The following LYPLA1 variants were observed in gnomAD, a reference collection of about 807,000 sequenced individuals.
LYPLA1 encodes acyl-protein thioesterase 1.
A neutral mutation model predicts 34.0 loss-of-function variants in LYPLA1; 17 were observed. That is an observed-to-expected ratio of 0.50 (90% CI 0.34 to 0.75). The LOEUF (loss-of-function observed/expected upper bound fraction) is 0.75. Ranked by LOEUF, LYPLA1 falls within the 30% of genes least tolerant of loss-of-function variation. The probability of loss-of-function intolerance (pLI) is 0.01; values close to 1 mark genes in which losing one functional copy is unlikely to be tolerated. For synonymous variants in LYPLA1, 98 were observed against 100.8 expected (o/e 0.97, Z 0.17); for missense variants, 203 against 288.8 (o/e 0.70, Z 2.15).
At chr8:54,053,757 C>T (rs1431119694) in intron 6 of LYPLA1, 3 of 456,014 alleles carry the variant, frequency 6.6e-6, no homozygotes, top group African/African-American at 4.0e-5. Flanking sequence ...ATGAAACAGA[C>T]AAGCAAAGAA....
chr8:54,096,992 C>A (rs1351217267), intron 2 of LYPLA1, among the ~76,000 whole-genome samples: 1 of 151,542 alleles, frequency 6.6e-6, no homozygotes, highest in African/African-American at 2.4e-5. Context: ...GATTAATAAA[C>A]AAAATGGAAT....
chr8:54,073,228 A>G (rs1807626851), intron 2 of LYPLA1: 2 of 828,450 alleles, frequency 2.4e-6, no homozygotes, highest in Non-Finnish European at 4.3e-6. Context: ...GATACAGGAC[A>G]GTAAGGAACT....
chr8:54,070,055 G>C (rs747330477), intron 2 of LYPLA1, among the ~76,000 whole-genome samples: 1 of 152,214 alleles, frequency 6.6e-6, no homozygotes, highest in Admixed American at 6.5e-5. Flanking sequence ...AAATGTAAAT[G>C]GTGCAGCGAC....
At chr8:54,086,437 T>TAAAAAAAAAAAAAAAAAAAAAA (rs1808774324) in intron 2 of LYPLA1, among the ~76,000 whole-genome samples, 1 of 32,732 alleles carries the variant, frequency 3.1e-5, no homozygotes, top group Non-Finnish European at 5.2e-5. Flanking sequence ...ACTAAAAAAA[T>TAAAAAAAAAAAAAAAAAAAAAA]TAAAAAAAAA....
rs191098285 is a variant in LYPLA1 at position 54,053,621 on chromosome 8, G to C, written c.361-865C>G. 189 of 456,254 alleles carry C rather than the reference G, an allele frequency of 4.1e-4. 1 individual carries two copies. Among genetic ancestry groups the C allele is most frequent in the African/African-American group, 3.1e-3 (155 of 50,190 alleles). 28.3% of individuals were successfully genotyped at this position (456,254 alleles called of 1,614,324 possible). On this transcript the variant is annotated intron_variant, in intron 6 of 8. Transcript: ENST00000316963. ...GGCAGTGATGTTTTCTCCTGGCACT[G>C]TGGAAATGGGATTCGATGACCACCA...
At chr8:54,086,529 ACT>A (rs1392533250) in intron 2 of LYPLA1, among the ~76,000 whole-genome samples, 3 of 138,758 alleles carry the variant, frequency 2.2e-5, no homozygotes, top group Non-Finnish European at 4.6e-5. Flanking sequence ...GGCCATTATT[ACT>A]CTGACATCAA....
intron 2 of LYPLA1, among the ~76,000 whole-genome samples, chr8:54,073,901 A>G (rs1807686144): frequency 6.6e-6 from 1 of 152,230 alleles, no homozygotes; most frequent in African/African-American, 2.4e-5. Flanking sequence ...TCTTCAGATT[A>G]TTAGAGACTA....
At chr8:54,073,231 A>G (rs1807627560) in intron 2 of LYPLA1, 1 of 838,848 alleles carries the variant, frequency 1.2e-6, no homozygotes, top group Non-Finnish European at 2.1e-6. Context: ...ACAGGACAGT[A>G]AGGAACTAAA....
chr8:54,086,228 GCATACTC>G (rs1808754954), intron 2 of LYPLA1, among the ~76,000 whole-genome samples: 1 of 151,640 alleles, frequency 6.6e-6, no homozygotes, highest in Non-Finnish European at 1.5e-5. Flanking sequence ...CTTGAAGGCA[GCATACTC>G]GTTAAGAGTC....
chr8:54,100,953 G>A lies in LYPLA1; in HGVS notation c.70-14C>T, dbSNP rs1159536233. 2 of 1,606,190 alleles carry A rather than the reference G, an allele frequency of 1.2e-6. No homozygotes were observed. Among genetic ancestry groups the A allele is most frequent in the Admixed American group, 3.3e-5 (2 of 59,934 alleles). On this transcript the variant is annotated splice_polypyrimidine_tract_variant and intron_variant, in intron 1 of 8. Coordinates refer to ENST00000316963, the MANE Select transcript of LYPLA1 (RefSeq NM_006330.4). The stretch of plus-strand genomic sequence containing the variant: ...CAGGAAAATCACCTATAAGAGAAGA[G>A]GAAAATTAATAAGCAATGCCTAAAT...
chr8:54,060,426 C>A (rs1052222115), intron 5 of LYPLA1, among the ~76,000 whole-genome samples: 1 of 151,948 alleles, frequency 6.6e-6, no homozygotes, highest in African/African-American at 2.4e-5. Flanking sequence ...TGCCCGGCCT[C>A]CTGTGCATTT....
intron 2 of LYPLA1, among the ~76,000 whole-genome samples, chr8:54,093,099 A>T (rs368083999): frequency 6.6e-6 from 1 of 152,226 alleles, no homozygotes; most frequent in African/African-American, 2.4e-5. Context: ...TAGGGTTGAT[A>T]TAAGTCAGAG....
intron 2 of LYPLA1, among the ~76,000 whole-genome samples, chr8:54,069,336 T>C (rs1387718122): frequency 6.6e-6 from 1 of 152,224 alleles, no homozygotes; most frequent in African/African-American, 2.4e-5. Context: ...GTTGTATACA[T>C]GTATCAAAAT....
At chr8:54,091,764 T>G (rs2129365134) in intron 2 of LYPLA1, among the ~76,000 whole-genome samples, 1 of 152,178 alleles carries the variant, frequency 6.6e-6, no homozygotes, top group East Asian at 1.9e-4. Context: ...CCCAGACCTG[T>G]ACTATCAGTA....
intron 1 of LYPLA1, chr8:54,101,292 A>G: frequency 1.9e-6 from 2 of 1,039,700 alleles, no homozygotes; most frequent in Non-Finnish European, 2.3e-6. Context: ...AAGCTTCCGG[A>G]GGCAAAAATA....
intron 2 of LYPLA1, among the ~76,000 whole-genome samples, chr8:54,076,369 T>C (rs1019077569): frequency 2.0e-5 from 3 of 152,220 alleles, no homozygotes; most frequent in African/African-American, 4.8e-5. Flanking sequence ...GGAAGCTCTG[T>C]GATTTCAATG....
intron 2 of LYPLA1, among the ~76,000 whole-genome samples, chr8:54,095,347 A>C (rs1809601290): frequency 2.0e-5 from 3 of 152,194 alleles, no homozygotes; most frequent in Non-Finnish European, 4.4e-5. Context: ...TAAATATTTA[A>C]ATATCATAAG....
rs571851715 is a variant in LYPLA1, at chr8:54,096,603, C to T, written c.101+4305G>A. Among the ~76,000 whole-genome samples, 6 of 152,126 alleles carry T rather than the reference C, an allele frequency of 3.9e-5. No individual in the cohort carries two copies. In the East Asian group the frequency reaches 7.7e-4, roughly 20 times the overall value. On this transcript the variant is annotated intron_variant, in intron 2 of 8. Coordinates refer to ENST00000316963, the MANE Select transcript of LYPLA1 (RefSeq NM_006330.4). ...AAAAATACAAAAAAAATTAGCCAGG[C>T]GTGGTGGCACGTGCCTGTAATCCCA...
chr8:54,094,432 C>G (rs1032183031), intron 2 of LYPLA1, among the ~76,000 whole-genome samples: 3 of 152,060 alleles, frequency 2.0e-5, no homozygotes, highest in Non-Finnish European at 2.9e-5. Flanking sequence ...CCAGAACCCC[C>G]CAAGAACAGA....
Sources: allele counts gnomAD v4.1 joint callset (sites outside exome capture counted in the v4.1 genomes callset), GRCh38; gene constraint gnomAD v4.1.1; transcripts MANE v1.5; gene names NCBI Gene and HGNC (gene_info 2026-07-23, HGNC 2026-07-21).